The following ZNF567 variants were observed in gnomAD, a reference collection of about 807,000 sequenced individuals.
ZNF567 encodes zinc finger protein 567.
In ZNF567, 36 loss-of-function variants were observed where a neutral mutation model predicts 53.9. That is an observed-to-expected ratio of 0.67 (90% CI 0.51 to 0.88). The LOEUF (loss-of-function observed/expected upper bound fraction) is 0.88. Among genes scored for constraint, ZNF567 ranks in the 40% least tolerant of loss-of-function variants. ZNF567 has a pLI of 0.00. For synonymous variants in ZNF567, 224 were observed against 260.4 expected (o/e 0.86, Z 1.35); for missense variants, 619 against 764.7 (o/e 0.81, Z 2.25).
downstream of ZNF567, among the ~76,000 whole-genome samples, chr19:36,723,753 G>A (rs1021966065): frequency 2.0e-5 from 3 of 152,108 alleles, no homozygotes; most frequent in African/African-American, 4.8e-5. Context: ...AGAATCACTT[G>A]AACCCAGTAG....
rs371206270 is a variant in ZNF567 at position 36,720,397 on chromosome 19, A to G, written c.1673A>G (p.Gln558Arg). The G allele has an allele frequency of 4.3e-6, 7 of 1,614,202 alleles. No individual in the cohort carries two copies. The highest frequency in any genetic ancestry group is 5.9e-6 in the Non-Finnish European group (7 of 1,180,036). Residue 558 changes from glutamine (Q) to arginine (R), a missense_variant, in exon 6 of 6, where the codon CAG becomes CGG. By Grantham distance (43) the Gln-to-Arg change is conservative (BLOSUM62 1). Transcript: ENST00000682579. ...GTACATCAGAAAATACATACCGGCC[A>G]GAAATCCTATGAATGTCCTCAGTGT... ...LTVHQKIHTG[Q>R]KSYECPQCGK...
the ZNF567 span, among the ~76,000 whole-genome samples, chr19:36,676,185 C>T: frequency 2.0e-5 from 3 of 149,518 alleles, no homozygotes; most frequent in Non-Finnish European, 4.4e-5. Flanking sequence ...CCTGCCTCAG[C>T]CTCCCGAGTA....
intron 3 of ZNF567, among the ~76,000 whole-genome samples, chr19:36,695,403 C>T (rs1326613570): frequency 6.6e-6 from 1 of 151,790 alleles, no homozygotes; most frequent in African/African-American, 2.4e-5. Flanking sequence ...GTGGCAGGCG[C>T]CTGTAATCCC....
At position 36,694,807 on chromosome 19, in the gene ZNF567, G is replaced by T. The variant is rs2145602622; in HGVS notation, c.-61G>T. On this transcript the variant is annotated 5_prime_UTR_variant, in exon 3 of 6. Coordinates refer to ENST00000682579, the MANE Select transcript of ZNF567 (RefSeq NM_001322917.1). ...TCTCGGCTTTGCCTCCTTAGGAACTGCCTCTTTTCTAAAGAGGACTCCAAA... is the reference window on the plus strand; with the variant it reads ...TCTCGGCTTTGCCTCCTTAGGAACTTCCTCTTTTCTAAAGAGGACTCCAAA... The T allele has an allele frequency of 3.4e-6, 5 of 1,481,894 alleles. No individual in the cohort carries two copies. In the East Asian group the frequency reaches 9.9e-5, roughly 29 times the overall value. The allele number at this position is 1,481,894 out of a possible 1,614,324, so 91.8% of individuals were successfully genotyped here. A position where few individuals can be genotyped will look rare whatever the true frequency, so the allele number is the denominator to read the frequency against.
rs1466006737 is a variant in ZNF567 at position 36,719,668 on chromosome 19, G to T, written c.944G>T (p.Gly315Val). ...AAACCCTTTGTTTGCAATGAATGTG[G>T]TAAGTCCTTCCGCCTCAAGACAGCC... ...GEKPFVCNEC[G>V]KSFRLKTALT... Residue 315 changes from glycine (G) to valine (V), a missense_variant, in exon 6 of 6, where the codon GGT becomes GTT. Gly to Val is a moderately radical substitution (Grantham distance 109). Coordinates refer to ENST00000682579, the MANE Select transcript of ZNF567 (RefSeq NM_001322917.1). 1.2e-6 allele frequency: 2 copies of T among 1,614,116 alleles called. No individual in the cohort carries two copies. The highest frequency in any genetic ancestry group is 2.2e-5 in the South Asian group (2 of 91,082).
At chr19:36,679,015 G>A in the ZNF567 span, among the ~76,000 whole-genome samples, 3 of 152,024 alleles carry the variant, frequency 2.0e-5, no homozygotes, top group East Asian at 1.9e-4. Flanking sequence ...GGCCGAGCGC[G>A]GTGGCTCACG....
At position 36,720,501 on chromosome 19, in the gene ZNF567, G is replaced by A. The variant is rs1351876645; in HGVS notation, c.1777G>A (p.Glu593Lys). The A allele has an allele frequency of 3.7e-6, 6 of 1,614,024 alleles. No homozygotes were observed. Among genetic ancestry groups the A allele is most frequent in the South Asian group, 1.1e-5 (1 of 91,068 alleles). Residue 593 changes from glutamate to lysine, a missense_variant, in exon 6 of 6, where the codon GAA (glutamate) becomes AAA (lysine). Physicochemically the swap from Glu to Lys is moderately conservative, Grantham distance 56. Transcript: ENST00000682579. ...GGGAGAGAAACCATATAAATGTAGTGAATGTGGAAAGTGCTTCCGCCAGAA... is the reference window on the plus strand; with the variant it reads ...GGGAGAGAAACCATATAAATGTAGTAAATGTGGAAAGTGCTTCCGCCAGAA... ...HTGEKPYKCS[E>K]CGKCFRQKTN...
At chr19:36,670,930 C>T in the ZNF567 span, among the ~76,000 whole-genome samples, 9 of 152,092 alleles carry the variant, frequency 5.9e-5, no homozygotes, top group Admixed American at 3.3e-4. Context: ...GGCAAAACCC[C>T]GTCTCTACTA....
chr19:36,701,360 G>T (rs2039174573), intron 3 of ZNF567, among the ~76,000 whole-genome samples: 1 of 151,362 alleles, frequency 6.6e-6, no homozygotes, highest in African/African-American at 2.4e-5. Context: ...GTCAATTTTG[G>T]AATAGGTGTG....
chr19:36,723,800 C>T (rs980310345), downstream of ZNF567, among the ~76,000 whole-genome samples: 5 of 151,942 alleles, frequency 3.3e-5, no homozygotes, highest in African/African-American at 4.8e-5. Context: ...TGCCATTGCA[C>T]GCCTGCCTGG....
chr19:36,690,641 T>G (rs1388442837), intron 2 of ZNF567, among the ~76,000 whole-genome samples: 1 of 152,144 alleles, frequency 6.6e-6, no homozygotes, highest in Non-Finnish European at 1.5e-5. Context: ...CACATAGGCA[T>G]ACATCTTAAT....
chr19:36,722,145 G>A (rs1186049694), downstream of ZNF567, among the ~76,000 whole-genome samples: 6 of 152,114 alleles, frequency 3.9e-5, no homozygotes, highest in Admixed American at 1.3e-4. Context: ...GGAAATCTGC[G>A]AAGACAGTGA....
downstream of ZNF567, chr19:36,727,230 C>G (rs1185435114): frequency 6.6e-6 from 1 of 150,808 alleles, no homozygotes; most frequent in Non-Finnish European, 1.5e-5. Context: ...TGCCACCACA[C>G]CCGGCTAATT....
chr19:36,719,404 C>T lies in ZNF567; in HGVS notation c.680C>T (p.Thr227Ile). ...TTCCTTCAAAGGGGAGGCCTGATTA[C>T]ACATAGTAGACCTTACAAAGGAGAA... is the stretch of plus-strand genomic sequence containing the variant. ...KSFLQRGGLI[T>I]HSRPYKGENP... The change falls in exon 6 of 6, where the codon ACA becomes ATA. Residue 227 changes from threonine to isoleucine, a missense_variant. Physicochemically the swap from Thr to Ile is moderately conservative, Grantham distance 89 (BLOSUM62 -1). Coordinates refer to ENST00000682579, the MANE Select transcript of ZNF567 (RefSeq NM_001322917.1). The T allele has an allele frequency of 6.2e-7, 1 of 1,613,542 alleles. No individual in the cohort carries two copies. The highest frequency in any genetic ancestry group is 8.5e-7 in the Non-Finnish European group (1 of 1,179,920).
At chr19:36,706,760 A>G (rs1017368886) in intron 3 of ZNF567, among the ~76,000 whole-genome samples, 1 of 149,014 alleles carries the variant, frequency 6.7e-6, no homozygotes, top group Non-Finnish European at 1.5e-5. Context: ...GGATCCAGCA[A>G]TCCTCCCACC....
At chr19:36,726,982 T>TCTC (rs2040337070), downstream of ZNF567, 54 of 55,412 alleles carry the variant, frequency 9.7e-4, no homozygotes, top group African/African-American at 3.6e-3. Flanking sequence ...CTTTCTTTCT[T>TCTC]TTTCTTTCTT....
chr19:36,712,201 T>A, intron 3 of ZNF567, 185 bp from the exon 4 acceptor site: 1 of 502,496 alleles, frequency 2.0e-6, no homozygotes, highest in Non-Finnish European at 3.6e-6. Flanking sequence ...CGCACACCAC[T>A]ATGCCCAGCT....
In ZNF567 at chr19:36,718,936, A is replaced by G; in HGVS notation, c.224-12A>G. The G allele has an allele frequency of 1.3e-6, 2 of 1,538,514 alleles. No homozygotes were observed. The highest frequency in any genetic ancestry group is 1.7e-6 in the Non-Finnish European group (2 of 1,148,524). On this transcript the variant is annotated splice_polypyrimidine_tract_variant and intron_variant, in intron 5 of 5. Transcript: ENST00000682579. ...AGATTCACAAATTGTTATCAATTAT[A>G]TTCTTTTCTAGAAGAAAACTGGAAA...
chr19:36,690,946 G>A (rs934470157), intron 2 of ZNF567, among the ~76,000 whole-genome samples: 9 of 152,172 alleles, frequency 5.9e-5, no homozygotes, highest in Non-Finnish European at 8.8e-5. Context: ...CTCACTCAGG[G>A]TTTTTGTGAG....
Sources: gnomAD v4.1 joint callset for allele counts (sites outside exome capture counted in the v4.1 genomes callset) on GRCh38, gnomAD v4.1.1 for gene constraint, MANE v1.5 for transcripts, NCBI Gene and HGNC (gene_info 2026-07-23, HGNC 2026-07-21) for gene names.